Variants in STARD13 observed in about 807,000 individuals in gnomAD.
The protein encoded by STARD13 is StAR related lipid transfer domain containing 13, also known as stAR-related lipid transfer protein 13.
STARD13 carries 62 observed loss-of-function variants against 106.4 expected under a neutral mutation model. That is an observed-to-expected ratio of 0.58 (90% CI 0.48 to 0.72). STARD13 has a LOEUF of 0.72. Ranked by LOEUF, STARD13 falls within the 30% of genes least tolerant of loss-of-function variation. The pLI is 0.00. For synonymous variants in STARD13, 565 were observed against 553.0 expected, an observed-to-expected ratio of 1.02 and a Z score of -0.31; for missense variants, 1,387 against 1,424.0, an observed-to-expected ratio of 0.97 and a Z score of 0.42.
At chr13:33,397,930 G>A in the STARD13 span, among the ~76,000 whole-genome samples, 1 of 152,192 alleles carries the variant, frequency 6.6e-6, no homozygotes, top group Non-Finnish European at 1.5e-5. Context: ...GCCCCCATGA[G>A]CTAAACACGA....
rs559223209 is a variant in STARD13, at chr13:33,129,735, C to G, written c.942G>C (p.Ser314=). The part of the protein sequence containing the change: ...IQIPNGDLQN[S]PPPACRKGLP... The stretch of plus-strand genomic sequence containing the variant: ...GCCCTTTTCTGCAGGCAGGTGGCGG[C>G]GAATTCTGGAGATCTCCATTTGGTA... The change falls in exon 5 of 14, where the codon TCG becomes TCC. Residue 314 remains serine, a synonymous_variant. Coordinates refer to ENST00000336934, the MANE Select transcript of STARD13 (RefSeq NM_178006.4). 4.3e-6 allele frequency: 7 copies of G among 1,613,952 alleles called. No individual in the cohort carries two copies. Among genetic ancestry groups the G allele is most frequent in the Middle Eastern group, 1.6e-4 (1 of 6,082 alleles).
At chr13:33,156,417 C>T (rs1881993806) in intron 3 of STARD13, among the ~76,000 whole-genome samples, 1 of 152,058 alleles carries the variant, frequency 6.6e-6, no homozygotes. Context: ...AAGACAAGAA[C>T]CTGAAATGGC....
intron 4 of STARD13, among the ~76,000 whole-genome samples, chr13:33,138,019 G>A (rs142923922): frequency 1.3e-5 from 2 of 152,236 alleles, no homozygotes; most frequent in African/African-American, 2.4e-5. Context: ...CTGCAAGGTG[G>A]CAATTAGTCA....
At chr13:33,495,630 T>C in the STARD13 span, among the ~76,000 whole-genome samples, 2 of 151,954 alleles carry the variant, frequency 1.3e-5, no homozygotes, top group Non-Finnish European at 2.9e-5. Flanking sequence ...ATATTTTCTT[T>C]GAATAAAGCT....
the STARD13 span, among the ~76,000 whole-genome samples, chr13:33,566,683 A>G: frequency 6.8e-6 from 1 of 148,100 alleles, no homozygotes; most frequent in Non-Finnish European, 1.5e-5. Context: ...GAAATCTTTT[A>G]GAGAGAAGTG....
chr13:33,105,705 T>A lies in STARD13; in HGVS notation c.3230A>T (p.His1077Leu). The change falls in exon 14 of 14, where the codon CAC becomes CTC. Residue 1077 changes from histidine to leucine, a missense_variant. His to Leu is a moderately conservative substitution (Grantham distance 99). Coordinates refer to ENST00000336934, the MANE Select transcript of STARD13 (RefSeq NM_178006.4). The stretch of plus-strand genomic sequence containing the variant: ...GCCTTTGCTGTACCATTCTGGGGAG[T>A]GACCTCTGTGGGGAAAGAAATCAGA... ...THICRIDLKG[H>L]SPEWYSKGFG... The A allele has an allele frequency of 6.2e-7, 1 of 1,612,270 alleles. No homozygotes were observed. Among genetic ancestry groups the A allele is most frequent in the Non-Finnish European group, 8.5e-7 (1 of 1,178,396 alleles).
the STARD13 span, among the ~76,000 whole-genome samples, chr13:33,652,986 G>A: frequency 2.0e-5 from 3 of 152,120 alleles, no homozygotes; most frequent in Non-Finnish European, 4.4e-5. Flanking sequence ...CAGACTTTTA[G>A]AGTGGAAAAA....
At chr13:33,167,385 T>C (rs1040956701) in intron 2 of STARD13, among the ~76,000 whole-genome samples, 166 bp downstream of exon 2, 14 of 152,102 alleles carry the variant, frequency 9.2e-5, no homozygotes, top group African/African-American at 2.4e-4. Flanking sequence ...CATTTCTAAA[T>C]TGGTATCAGG....
intron 1 of STARD13, among the ~76,000 whole-genome samples, chr13:33,335,646 A>G (rs148178335): frequency 6.6e-6 from 1 of 152,382 alleles, no homozygotes; most frequent in Non-Finnish European, 1.5e-5. Context: ...AACACGTACC[A>G]TTATGTAGTC....
the STARD13 span, among the ~76,000 whole-genome samples, chr13:33,484,661 A>T: frequency 6.6e-6 from 1 of 152,106 alleles, no homozygotes; most frequent in Admixed American, 6.6e-5. Context: ...AGTAGCAATA[A>T]AACTCCAGTC....
the STARD13 span, among the ~76,000 whole-genome samples, chr13:33,636,034 C>T: frequency 6.7e-6 from 1 of 149,530 alleles, no homozygotes; most frequent in South Asian, 2.1e-4. Context: ...CCCAGCTACT[C>T]GGGAGTCTGA....
intron 1 of STARD13, among the ~76,000 whole-genome samples, chr13:33,245,197 C>T (rs567970226): frequency 9.8e-4 from 149 of 152,212 alleles, no homozygotes; most frequent in South Asian, 3.7e-3. Flanking sequence ...TTGGTTCTAG[C>T]GGAAAATTTT....
At chr13:33,574,330 A>G in the STARD13 span, among the ~76,000 whole-genome samples, 1 of 152,348 alleles carries the variant, frequency 6.6e-6, no homozygotes, top group South Asian at 2.1e-4. Flanking sequence ...AGTATGGATC[A>G]TCTCACTGGG....
the STARD13 span, among the ~76,000 whole-genome samples, chr13:33,421,900 T>G: frequency 2.0e-5 from 3 of 152,300 alleles, no homozygotes; most frequent in Admixed American, 1.3e-4. Flanking sequence ...CAACTTCCCT[T>G]CATGCTAAAA....
the STARD13 span, among the ~76,000 whole-genome samples, chr13:33,647,336 T>C: frequency 6.6e-6 from 1 of 152,212 alleles, no homozygotes; most frequent in Non-Finnish European, 1.5e-5. Flanking sequence ...ATTTCTATAA[T>C]TTACTTCATT....
At chr13:33,501,739 C>A in the STARD13 span, among the ~76,000 whole-genome samples, 1 of 152,108 alleles carries the variant, frequency 6.6e-6, no homozygotes, top group African/African-American at 2.4e-5. Flanking sequence ...TTCCATTGGT[C>A]TGTATCTCTG....
chr13:33,322,104 G>A (rs947164588), intron 1 of STARD13, among the ~76,000 whole-genome samples: 2 of 152,084 alleles, frequency 1.3e-5, no homozygotes, highest in Non-Finnish European at 2.9e-5. Flanking sequence ...GTTGAGATTC[G>A]CATATATGTA....
upstream of STARD13, among the ~76,000 whole-genome samples, chr13:33,351,893 A>G (rs562807193): frequency 8.5e-5 from 13 of 152,264 alleles, no homozygotes; most frequent in South Asian, 1.2e-3. Flanking sequence ...TTCCCTCTAC[A>G]CTTCTGCTAC....
chr13:33,458,130 A>T, the STARD13 span, among the ~76,000 whole-genome samples: 1 of 151,590 alleles, frequency 6.6e-6, no homozygotes, highest in African/African-American at 2.4e-5. Context: ...CAAAGTAATT[A>T]TATAAAAACA....
Sources: allele counts gnomAD v4.1 joint callset (sites outside exome capture counted in the v4.1 genomes callset), GRCh38; gene constraint gnomAD v4.1.1; transcripts MANE v1.5; gene names NCBI Gene and HGNC (gene_info 2026-07-23, HGNC 2026-07-21).